Variants in CARS1 observed in about 807,000 individuals in gnomAD.
The protein encoded by CARS1 is cysteinyl-tRNA synthetase 1.
Under a neutral mutation model 106.2 loss-of-function variants are expected in CARS1, and 48 were observed. That is an observed-to-expected ratio of 0.45 (90% CI 0.36 to 0.57). The LOEUF (loss-of-function observed/expected upper bound fraction) is 0.57, where lower values mean the gene tolerates loss of function less well. Among genes scored for constraint, CARS1 ranks in the 20% least tolerant of loss-of-function variants. CARS1 has a pLI of 0.00. For missense variants in CARS1, 968 were observed against 1,057.2 expected (o/e 0.92, Z 1.17); for synonymous variants, 409 against 403.4 (o/e 1.01, Z -0.17).
intron 7 of CARS1, among the ~76,000 whole-genome samples, chr11:3,035,612 A>G (rs956205926): frequency 6.6e-6 from 1 of 152,124 alleles, no homozygotes; most frequent in Non-Finnish European, 1.5e-5. Flanking sequence ...CAGCCTCCCC[A>G]GTAGCTGGAA....
At position 3,043,133 on chromosome 11, in the gene CARS1, T is replaced by A. The variant is rs117698454; in HGVS notation, c.275-877A>T. Among the ~76,000 whole-genome samples, 94 of 152,078 alleles carry A rather than the reference T, an allele frequency of 6.2e-4. No individual in the cohort carries two copies. In the East Asian group the frequency reaches 0.016, roughly 26 times the overall value. On this transcript the variant is annotated intron_variant, in intron 2 of 22. Coordinates refer to ENST00000380525, the MANE Select transcript of CARS1 (RefSeq NM_001014437.3). This position sits in a 1 kb window ranked among gnomAD's most constrained non-coding sequence, Gnocchi z 4.0. The stretch of plus-strand genomic sequence containing the variant: ...CTCCTGGCCAGACTTCCCTAGTTGT[T>A]CCCCTCCACTCGCCTGTGGGCCGCC...
intron 2 of CARS1, 174 bp from the exon 3 acceptor site, chr11:3,042,430 CTT>C (rs764121709): frequency 0.011 from 5,184 of 492,210 alleles, no homozygotes; most frequent in South Asian, 0.016. Context: ...ACAACTGCGT[CTT>C]TTTTTTTTTT....
chr11:3,042,349 AC>A, intron 2 of CARS1, 93 bp from the exon 3 acceptor site: 4 of 800,564 alleles, frequency 5.0e-6, no homozygotes, highest in Non-Finnish European at 2.0e-6. Flanking sequence ...TTACAACGGG[AC>A]CATAGTTTTC....
At chr11:3,051,256 G>T (rs1855657992) in intron 1 of CARS1, among the ~76,000 whole-genome samples, 1 of 152,234 alleles carries the variant, frequency 6.6e-6, no homozygotes, top group African/African-American at 2.4e-5. Context: ...ACAGTCCAAG[G>T]AAAGAGAAAG....
rs35902209 is a variant in CARS1 at position 3,038,163 on chromosome 11, C to T, written c.688G>A (p.Asp230Asn). 31 of 1,613,994 alleles carry T rather than the reference C, an allele frequency of 1.9e-5. No homozygotes were observed. Among genetic ancestry groups the T allele is most frequent in the African/African-American group, 1.9e-4 (14 of 74,922 alleles). The change falls in exon 7 of 23, where the codon GAT (aspartate) becomes AAT (asparagine). Residue 230 changes from aspartate to asparagine, a missense_variant. By Grantham distance (23) the Asp-to-Asn change is conservative. Coordinates refer to ENST00000380525, the MANE Select transcript of CARS1 (RefSeq NM_001014437.3). The surrounding 1 kb of genome is among the most constrained non-coding windows in gnomAD (Gnocchi z 4.0). ...SVKLNETTDPDKKQMLERIQH... is the reference protein window; with the variant it reads ...SVKLNETTDPNKKQMLERIQH... ...ATCCGTTCGAGCATCTGCTTTTTAT[C>T]GGGATCCGTGGTCTCATTTAATTTT...
In CARS1 at chr11:3,043,996, C is replaced by A. The variant is rs933944670; in HGVS notation, c.275-1740G>T. 2.0e-5 allele frequency among the ~76,000 whole-genome samples: 3 copies of A among 152,272 alleles called. No individual in the cohort carries two copies. Among genetic ancestry groups the A allele is most frequent in the Admixed American group, 6.5e-5 (1 of 15,298 alleles). ...GTGCTTATTGAGGCCAAGTGCAGCT[C>A]GGCCTCAGTGTACTTTAAATGCCTC... On this transcript the variant is annotated intron_variant, in intron 2 of 22. Coordinates refer to ENST00000380525, the MANE Select transcript of CARS1 (RefSeq NM_001014437.3). The surrounding 1 kb of genome is among the most constrained non-coding windows in gnomAD (Gnocchi z 4.0).
In CARS1 at chr11:3,048,250, A is replaced by C; in HGVS notation, c.26-249T>G. 2.2e-6 allele frequency: 1 copy of C among 462,804 alleles called. No individual in the cohort carries two copies. 28.7% of individuals were successfully genotyped at this position (462,804 alleles called of 1,614,324 possible). A position where few individuals can be genotyped will look rare whatever the true frequency, so the allele number is the denominator to read the frequency against. On this transcript the variant is annotated intron_variant, in intron 1 of 22. Coordinates refer to ENST00000380525, the MANE Select transcript of CARS1 (RefSeq NM_001014437.3). The surrounding 1 kb of genome is among the most constrained non-coding windows in gnomAD (Gnocchi z 5.1). ...GAAAATGCTTTGGAACTAGACAGAA[A>C]TGAAGGCTGCATGACAACATCATGC...
rs557011802 is a variant in CARS1 at position 3,032,267 on chromosome 11, T to C, written c.802-2824A>G. On this transcript the variant is annotated intron_variant, in intron 7 of 22. Coordinates refer to ENST00000380525, the MANE Select transcript of CARS1 (RefSeq NM_001014437.3). Reference sequence around the variant, plus strand: ...TTTGCATTGTCAGTAGAGACGGGGTTTCACCATGTTGGCCGGGATGGTCTC... The same window carrying C: ...TTTGCATTGTCAGTAGAGACGGGGTCTCACCATGTTGGCCGGGATGGTCTC... Among the ~76,000 whole-genome samples, 5 of 152,096 alleles carry C rather than the reference T, an allele frequency of 3.3e-5. No homozygotes were observed. In the South Asian group the frequency reaches 8.3e-4, roughly 25 times the overall value.
intron 2 of CARS1, 115 bp downstream of exon 2, chr11:3,047,638 G>T (rs778484796): frequency 7.2e-7 from 1 of 1,391,038 alleles, no homozygotes; most frequent in Non-Finnish European, 9.8e-7. Flanking sequence ...GACACACTTG[G>T]GCGAGGCTCC....
Position 3,021,558 on chromosome 11 carries a change from T to C in CARS1, c.1154-1226A>G, listed in dbSNP as rs1851572523. Among the ~76,000 whole-genome samples the C allele has an allele frequency of 1.3e-5, 2 of 152,132 alleles. No homozygotes were observed. The highest frequency in any genetic ancestry group is 4.1e-4 in the South Asian group (2 of 4,830). On this transcript the variant is annotated intron_variant, in intron 10 of 22. Transcript: ENST00000380525. The surrounding 1 kb of genome is among the most constrained non-coding windows in gnomAD (Gnocchi z 5.3). ...CAGAGGAAAAGCACCGCTAAATATA[T>C]TTTTCTAAACACCAAGTTCATGATT...
Position 3,020,542 on chromosome 11 carries a change from C to T in CARS1, c.1154-210G>A, listed in dbSNP as rs1851479674. 6.6e-6 allele frequency among the ~76,000 whole-genome samples: 1 copy of T among 152,140 alleles called. No homozygotes were observed. Among genetic ancestry groups the T allele is most frequent in the South Asian group, 2.1e-4 (1 of 4,834 alleles). Reference sequence around the variant, plus strand: ...TAGATTTACAAAACGGTACATAATCCCCAAAGTCACCAGCTTATATACCTG... The same window carrying T: ...TAGATTTACAAAACGGTACATAATCTCCAAAGTCACCAGCTTATATACCTG... On this transcript the variant is annotated intron_variant, in intron 10 of 22. Coordinates refer to ENST00000380525, the MANE Select transcript of CARS1 (RefSeq NM_001014437.3). The surrounding 1 kb of genome is among the most constrained non-coding windows in gnomAD (Gnocchi z 4.6).
In CARS1 at chr11:3,003,466, G is replaced by A. The variant is rs1046120783; in HGVS notation, c.2218-866C>T. On this transcript the variant is annotated intron_variant, in intron 20 of 22. Coordinates refer to ENST00000380525, the MANE Select transcript of CARS1 (RefSeq NM_001014437.3). The surrounding 1 kb of genome is among the most constrained non-coding windows in gnomAD (Gnocchi z 4.8). ...CCTGGCCCAGTGGAGCTATCAGGTA[G>A]GCAGCTGGGCAAACTGTTTTTGGGC... Among the ~76,000 whole-genome samples the A allele has an allele frequency of 6.6e-6, 1 of 152,196 alleles. No individual in the cohort carries two copies. Among genetic ancestry groups the A allele is most frequent in the Non-Finnish European group, 1.5e-5 (1 of 68,030 alleles).
At chr11:3,051,083 C>T (rs891469765) in intron 1 of CARS1, among the ~76,000 whole-genome samples, 2 of 152,226 alleles carry the variant, frequency 1.3e-5, no homozygotes. Flanking sequence ...TGGCACTGGG[C>T]CTCATGCACC....
chr11:3,004,337 G>A lies in CARS1; in HGVS notation c.2217+1029C>T, dbSNP rs776887724. ...TGGATCTGGCATGAGCTCTCCCCTC[G>A]TGCCTTGGGCCAGTGCAGGGCTAGG... is the stretch of plus-strand genomic sequence containing the variant. On this transcript the variant is annotated intron_variant, in intron 20 of 22. Transcript: ENST00000380525. The surrounding 1 kb of genome is among the most constrained non-coding windows in gnomAD (Gnocchi z 5.2). Among the ~76,000 whole-genome samples, 18 of 152,306 alleles carry A rather than the reference G, an allele frequency of 1.2e-4. No individual in the cohort carries two copies. Among genetic ancestry groups the A allele is most frequent in the Non-Finnish European group, 2.1e-4 (14 of 68,016 alleles).
intron 16 of CARS1, 111 bp from the exon 17 acceptor site, chr11:3,015,960 G>A: frequency 1.2e-6 from 1 of 859,272 alleles, no homozygotes; most frequent in Non-Finnish European, 1.9e-6. Context: ...CCAAGACCAG[G>A]AAAGAGATGG....
At chr11:3,024,021 T>C (rs577887601) in intron 10 of CARS1, among the ~76,000 whole-genome samples, 2 of 152,232 alleles carry the variant, frequency 1.3e-5, no homozygotes, top group East Asian at 1.9e-4. Flanking sequence ...GCCTCCCGAG[T>C]AGCTGGGACT....
At position 3,053,262 on chromosome 11, in the gene CARS1, C is replaced by T. The variant is rs1342466404; in HGVS notation, c.25+4081G>A. Among the ~76,000 whole-genome samples the T allele has an allele frequency of 2.0e-5, 3 of 152,030 alleles. No individual in the cohort carries two copies. The highest frequency in any genetic ancestry group is 4.4e-5 in the Non-Finnish European group (3 of 68,026). ...TATTTTATTTTTTGAGACGGAGTCT[C>T]GCTCGTCACCCAGGCTGGAGTGCAG... is the stretch of plus-strand genomic sequence containing the variant. On this transcript the variant is annotated intron_variant, in intron 1 of 22. Transcript: ENST00000380525. This position sits in a 1 kb window ranked among gnomAD's most constrained non-coding sequence, Gnocchi z 6.6.
At chr11:3,026,849 T>C (rs773661547) in intron 9 of CARS1, 52 bp from the exon 10 acceptor site, 2 of 1,575,918 alleles carry the variant, frequency 1.3e-6, no homozygotes, top group Non-Finnish European at 1.7e-6. Flanking sequence ...CCCGAAAGTG[T>C]GTCAGCAGGA....
At position 3,017,149 on chromosome 11, in the gene CARS1, G is replaced by A. The variant is rs1851101387; in HGVS notation, c.1874C>T (p.Ala625Val). 3 of 1,614,180 alleles carry A rather than the reference G, an allele frequency of 1.9e-6. No individual in the cohort carries two copies. Among genetic ancestry groups the A allele is most frequent in the Non-Finnish European group, 1.7e-6 (2 of 1,180,020 alleles). Residue 625 changes from alanine (A) to valine (V), a missense_variant, in exon 16 of 23, where the codon GCT (alanine) becomes GTT (valine). Transcript: ENST00000380525. The surrounding 1 kb of genome is among the most constrained non-coding windows in gnomAD (Gnocchi z 4.9). Reference protein sequence around the residue: ...RKAVRKRPNQALLENIALYLT... With the variant: ...RKAVRKRPNQVLLENIALYLT... ...GTACAGGGCGATGTTCTCCAGCAGA[G>A]CCTGGTTGGGCCTCTTCCTCACGGC...
Sources: gnomAD v4.1 joint callset for allele counts (sites outside exome capture counted in the v4.1 genomes callset) on GRCh38, gnomAD v4.1.1 for gene constraint, Gnocchi (gnomAD v3.1) non-coding constraint, MANE v1.5 for transcripts, NCBI Gene and HGNC (gene_info 2026-07-23, HGNC 2026-07-21) for gene names.